Variants in CMSS1 observed in about 807,000 individuals in gnomAD.
The protein encoded by CMSS1 is protein CMSS1.
A neutral mutation model predicts 43.5 loss-of-function variants in CMSS1; 33 were observed. The ratio of observed to expected loss-of-function variants is 0.76; its 90% CI spans 0.57 to 1.01. CMSS1 has a LOEUF of 1.01. Among genes scored for constraint, CMSS1 ranks in the 50% least tolerant of loss-of-function variants. CMSS1 has a pLI of 0.00. For synonymous variants in CMSS1, 115 were observed against 117.2 expected, an observed-to-expected ratio of 0.98 and a Z score of 0.12; for missense variants, 313 against 326.4, an observed-to-expected ratio of 0.96 and a Z score of 0.32.
intron 1 of CMSS1, among the ~76,000 whole-genome samples, chr3:99,993,136 T>C (rs1467893292): frequency 1.3e-5 from 2 of 152,116 alleles, no homozygotes; most frequent in Admixed American, 6.5e-5. Context: ...TTTCTTTGGC[T>C]ATTTGAGCTT....
intron 1 of CMSS1, chr3:99,849,011 G>T: frequency 6.2e-7 from 1 of 1,614,124 alleles, no homozygotes; most frequent in South Asian, 1.1e-5. Context: ...AGATCTCCAG[G>T]TTGCACAAAG....
In CMSS1 at chr3:99,848,462, G is replaced by T. The variant is rs1316710005; in HGVS notation, c.64+30419G>T. The stretch of plus-strand genomic sequence containing the variant: ...GGTCTCACAGGGCTGGCTACAGCTT[G>T]CATGTAAGGACTTCCTAAGTGAATG... On this transcript the variant is annotated intron_variant, in intron 1 of 9. Coordinates refer to ENST00000421999, the MANE Select transcript of CMSS1 (RefSeq NM_032359.4). The T allele has an allele frequency of 1.2e-6, 2 of 1,614,184 alleles. No individual in the cohort carries two copies. The highest frequency in any genetic ancestry group is 1.6e-4 in the Middle Eastern group (1 of 6,062).
chr3:99,886,969 C>CA (rs544548363), intron 1 of CMSS1, among the ~76,000 whole-genome samples: 2,237 of 89,774 alleles, frequency 0.025, 25 homozygotes, highest in African/African-American at 0.041. Flanking sequence ...GACTCCATCT[C>CA]AAAAAAAAAA....
intron 1 of CMSS1, among the ~76,000 whole-genome samples, chr3:99,872,247 C>G (rs1944826673): frequency 7.1e-6 from 1 of 139,880 alleles, no homozygotes; most frequent in East Asian, 2.3e-4. Flanking sequence ...CTGTAAAATT[C>G]TGTGGATATT....
intron 1 of CMSS1, among the ~76,000 whole-genome samples, chr3:99,999,365 C>T (rs1000188248): frequency 3.3e-5 from 5 of 152,140 alleles, no homozygotes; most frequent in African/African-American, 9.7e-5. Flanking sequence ...GCATCAGAGT[C>T]ATAAGTATAG....
intron 1 of CMSS1, among the ~76,000 whole-genome samples, chr3:99,917,642 GA>G (rs1474996357): frequency 6.6e-6 from 1 of 152,186 alleles, no homozygotes; most frequent in Non-Finnish European, 1.5e-5. Flanking sequence ...TTATCTGGTA[GA>G]TTGATTCATG....
intron 1 of CMSS1, chr3:99,898,603 CA>C: frequency 5.4e-6 from 1 of 185,756 alleles, no homozygotes; most frequent in South Asian, 7.7e-5. Flanking sequence ...TCTGTCTCTA[CA>C]AAAATACAAA....
At chr3:99,884,039 T>C (rs1489705881) in intron 1 of CMSS1, among the ~76,000 whole-genome samples, 8 of 152,180 alleles carry the variant, frequency 5.3e-5, no homozygotes, top group Non-Finnish European at 1.2e-4. Flanking sequence ...ATTTAGTTCA[T>C]TGGACTTGAA....
chr3:99,982,333 G>A (rs1346837280), intron 1 of CMSS1, among the ~76,000 whole-genome samples: 2 of 151,378 alleles, frequency 1.3e-5, no homozygotes, highest in African/African-American at 4.9e-5. Flanking sequence ...TTCACCATTA[G>A]GTAATTTTTT....
chr3:100,164,070 A>G (rs534520769), intron 4 of CMSS1, among the ~76,000 whole-genome samples: 1 of 152,326 alleles, frequency 6.6e-6, no homozygotes, highest in South Asian at 2.1e-4. Context: ...GAATTGAAGG[A>G]GTGCATTTGC....
chr3:99,975,788 T>C (rs1302643460), intron 1 of CMSS1, among the ~76,000 whole-genome samples: 1 of 152,180 alleles, frequency 6.6e-6, no homozygotes, highest in Non-Finnish European at 1.5e-5. Flanking sequence ...AATTGAAAAG[T>C]CGTGTATATG....
At chr3:99,985,245 T>C (rs1448760846) in intron 1 of CMSS1, among the ~76,000 whole-genome samples, 2 of 152,122 alleles carry the variant, frequency 1.3e-5, no homozygotes, top group East Asian at 3.9e-4. Flanking sequence ...AAGAAAGTGA[T>C]CTAGGGCCCA....
chr3:100,162,545 T>A, intron 4 of CMSS1, 113 bp downstream of exon 4: 1 of 1,170,630 alleles, frequency 8.5e-7, no homozygotes, highest in South Asian at 1.5e-5. Context: ...TGGTGGCTCA[T>A]GCCTATAATC....
chr3:99,850,985 C>T (rs914407108), intron 1 of CMSS1: 3 of 1,614,112 alleles, frequency 1.9e-6, no homozygotes, highest in Admixed American at 3.3e-5. Flanking sequence ...TTGGTCAGCT[C>T]CTCTTTCAGG....
intron 1 of CMSS1, among the ~76,000 whole-genome samples, chr3:99,875,719 T>C (rs753643739): frequency 6.6e-6 from 1 of 152,168 alleles, no homozygotes; most frequent in Admixed American, 6.5e-5. Context: ...GGAGGAGAGA[T>C]AGGGTTGCTG....
At chr3:99,828,818 C>T (rs1483522554) in intron 1 of CMSS1, among the ~76,000 whole-genome samples, 1 of 152,040 alleles carries the variant, frequency 6.6e-6, no homozygotes, top group Non-Finnish European at 1.5e-5. Flanking sequence ...TTCACTTCGA[C>T]TTTTCCATTT....
intron 1 of CMSS1, among the ~76,000 whole-genome samples, chr3:100,074,292 G>A (rs764366801): frequency 1.3e-5 from 2 of 152,154 alleles, no homozygotes; most frequent in Non-Finnish European, 2.9e-5. Context: ...CAAAATGCAA[G>A]GCAAAGGTTT....
rs761819887 is a variant in CMSS1 at position 100,160,521 on chromosome 3, A to G, written c.225+20A>G. The G allele has an allele frequency of 5.0e-6, 6 of 1,193,286 alleles. No individual in the cohort carries two copies. The South Asian group carries it at 7.6e-5, about 15-fold the overall frequency. 73.9% of individuals were successfully genotyped at this position (1,193,286 alleles called of 1,614,324 possible). On this transcript the variant is annotated intron_variant, in intron 3 of 9. Transcript: ENST00000421999. ...AGAAAGGTAATATTAATAATTTCTT[A>G]AATTTGTATGGCCCCACATGGTTTC... is the stretch of plus-strand genomic sequence containing the variant.
At chr3:100,066,470 C>A (rs1280014756) in intron 1 of CMSS1, among the ~76,000 whole-genome samples, 2 of 142,588 alleles carry the variant, frequency 1.4e-5, no homozygotes, top group African/African-American at 5.2e-5. Flanking sequence ...ATGGTGATGT[C>A]ATGGATAGTG....
Sources: gnomAD v4.1 joint callset for allele counts (sites outside exome capture counted in the v4.1 genomes callset) on GRCh38, gnomAD v4.1.1 for gene constraint, MANE v1.5 for transcripts, NCBI Gene and HGNC (gene_info 2026-07-23, HGNC 2026-07-21) for gene names.